Variants in MTUS2 observed in about 807,000 individuals in gnomAD.
MTUS2 encodes microtubule-associated tumor suppressor candidate 2.
MTUS2 carries 40 observed loss-of-function variants against 114.1 expected under a neutral mutation model. The ratio of observed to expected loss-of-function variants is 0.35; its 90% CI spans 0.27 to 0.46. The LOEUF (loss-of-function observed/expected upper bound fraction) is 0.46, where lower values mean the gene tolerates loss of function less well. Among genes scored for constraint, MTUS2 ranks in the 20% least tolerant of loss-of-function variants. MTUS2 has a pLI of 1.00. For missense variants in MTUS2, 1,679 were observed against 1,705.4 expected, an observed-to-expected ratio of 0.98 and a Z score of 0.27; for synonymous variants, 688 against 672.0, an observed-to-expected ratio of 1.02 and a Z score of -0.37.
intron 5 of MTUS2, among the ~76,000 whole-genome samples, chr13:29,153,145 G>A (rs751923158): frequency 6.6e-6 from 1 of 152,246 alleles, no homozygotes; most frequent in Non-Finnish European, 1.5e-5. Flanking sequence ...CTGTCTGCAA[G>A]CCTCCTGATT....
At chr13:29,337,014 G>A (rs114495786) in intron 7 of MTUS2, among the ~76,000 whole-genome samples, 2,247 of 152,280 alleles carry the variant, frequency 0.015, 69 homozygotes, top group African/African-American at 0.052. Flanking sequence ...AAGGGTCCCA[G>A]GTTGACTTCA....
At chr13:29,286,072 C>G (rs901112911) in intron 6 of MTUS2, among the ~76,000 whole-genome samples, 3 of 152,012 alleles carry the variant, frequency 2.0e-5, no homozygotes, top group Admixed American at 6.6e-5. Flanking sequence ...ATTACAGATG[C>G]GTGCCACCAT....
intron 4 of MTUS2, among the ~76,000 whole-genome samples, chr13:29,039,456 C>T (rs326509): frequency 0.96 from 145,517 of 152,314 alleles, 69,614 homozygotes; most frequent in South Asian, 0.98. Flanking sequence ...GAATCAGGGA[C>T]GTCACAGGGC....
At chr13:29,375,626 TATATATATATATACACACAC>T (rs1871649522) in intron 8 of MTUS2, among the ~76,000 whole-genome samples, 2 of 6,682 alleles carry the variant, frequency 3.0e-4, no homozygotes, top group Admixed American at 3.3e-3. Flanking sequence ...TATATATATA[TATATATATATATACACACAC>T]CATGAAATAC....
At chr13:29,057,649 G>C (rs536449425) in intron 4 of MTUS2, among the ~76,000 whole-genome samples, 11 of 152,034 alleles carry the variant, frequency 7.2e-5, no homozygotes, top group African/African-American at 2.7e-4. Flanking sequence ...TCTTTGCTTG[G>C]TAGATTTTTC....
intron 12 of MTUS2, among the ~76,000 whole-genome samples, chr13:29,495,726 C>T (rs969789882): frequency 6.6e-6 from 1 of 151,714 alleles, no homozygotes. Context: ...CAAACATTAG[C>T]TGGGTGTGGT....
At chr13:28,987,156 G>A (rs145836521) in intron 2 of MTUS2, among the ~76,000 whole-genome samples, 25 of 152,292 alleles carry the variant, frequency 1.6e-4, no homozygotes, top group South Asian at 1.2e-3. Flanking sequence ...CTCTGGACTC[G>A]TCCACTGGAT....
chr13:29,360,645 G>A (rs577633393), intron 8 of MTUS2, among the ~76,000 whole-genome samples: 11 of 148,964 alleles, frequency 7.4e-5, no homozygotes, highest in African/African-American at 2.5e-4. Context: ...GTCTAGTCAC[G>A]ATGCATGACG....
chr13:28,935,922 CT>C (rs1881877971), intron 2 of MTUS2, among the ~76,000 whole-genome samples: 2 of 152,000 alleles, frequency 1.3e-5, no homozygotes, highest in Non-Finnish European at 2.9e-5. Flanking sequence ...AATTTTTAAA[CT>C]TTTTGTAGAG....
chr13:28,888,524 C>T (rs561831629), intron 2 of MTUS2, among the ~76,000 whole-genome samples: 1 of 150,954 alleles, frequency 6.6e-6, no homozygotes, highest in Non-Finnish European at 1.5e-5. Context: ...TGGGTTCAAG[C>T]GATTCTCCTG....
chr13:29,172,216 T>A (rs1444858581), intron 5 of MTUS2, among the ~76,000 whole-genome samples: 1 of 152,224 alleles, frequency 6.6e-6, no homozygotes, highest in Non-Finnish European at 1.5e-5. Flanking sequence ...TCTCTTCAGT[T>A]TACTGAGCCT....
chr13:29,202,306 A>G (rs1894991436), intron 5 of MTUS2, among the ~76,000 whole-genome samples: 1 of 151,870 alleles, frequency 6.6e-6, no homozygotes, highest in Non-Finnish European at 1.5e-5. Flanking sequence ...TAGCTTTTGA[A>G]ACTTATGTAT....
At chr13:29,395,412 G>A (rs1264421590) in intron 8 of MTUS2, among the ~76,000 whole-genome samples, 1 of 152,204 alleles carries the variant, frequency 6.6e-6, no homozygotes, top group African/African-American at 2.4e-5. Context: ...GGATTAGATT[G>A]TAGGGAGGCA....
chr13:29,289,242 A>G (rs1898609156), intron 6 of MTUS2, among the ~76,000 whole-genome samples: 1 of 152,152 alleles, frequency 6.6e-6, no homozygotes, highest in Admixed American at 6.5e-5. Flanking sequence ...AGTATGGACT[A>G]ATGGATGGGA....
intron 7 of MTUS2, among the ~76,000 whole-genome samples, chr13:29,338,448 G>A (rs913881925): frequency 1.3e-5 from 2 of 152,122 alleles, no homozygotes; most frequent in African/African-American, 4.8e-5. Flanking sequence ...AAATTAGCTG[G>A]GCGTGGCGGC....
chr13:28,836,950 T>C (rs919359399), intron 1 of MTUS2, among the ~76,000 whole-genome samples: 1 of 152,222 alleles, frequency 6.6e-6, no homozygotes, highest in African/African-American at 2.4e-5. Flanking sequence ...GGGCAAGTTA[T>C]TGACCTTTCA....
chr13:28,955,963 A>C (rs1033739744), intron 2 of MTUS2, among the ~76,000 whole-genome samples: 9 of 151,274 alleles, frequency 5.9e-5, no homozygotes, highest in African/African-American at 1.7e-4. Flanking sequence ...TGGTTATGTG[A>C]GTGAGTTCTT....
chr13:28,989,100 T>C (rs1442363541), intron 2 of MTUS2, among the ~76,000 whole-genome samples: 2 of 152,214 alleles, frequency 1.3e-5, no homozygotes, highest in African/African-American at 4.8e-5. Context: ...ACCTGTCTGC[T>C]GAGGGAGATT....
At chr13:28,876,523 AAC>A (rs1341347689) in intron 2 of MTUS2, among the ~76,000 whole-genome samples, 1 of 152,182 alleles carries the variant, frequency 6.6e-6, no homozygotes, top group African/African-American at 2.4e-5. Flanking sequence ...CTCTCTTCTC[AAC>A]ACACCGTCTA....
Sources: gnomAD v4.1 joint callset for allele counts (sites outside exome capture counted in the v4.1 genomes callset) on GRCh38, gnomAD v4.1.1 for gene constraint, MANE v1.5 for transcripts, NCBI Gene and HGNC (gene_info 2026-07-23, HGNC 2026-07-21) for gene names.